Variants in KCTD8 observed in about 807,000 individuals in gnomAD.
The protein encoded by KCTD8 is potassium channel tetramerization domain containing 8, also known as BTB/POZ domain-containing protein KCTD8.
In KCTD8, 27 loss-of-function variants were observed where a neutral mutation model predicts 31.5. That is an observed-to-expected ratio of 0.86 (90% CI 0.63 to 1.18). The LOEUF (loss-of-function observed/expected upper bound fraction) is 1.18, where lower values mean the gene tolerates loss of function less well. Among genes scored for constraint, KCTD8 ranks in the 50% most tolerant of loss-of-function variants. KCTD8 has a pLI of 0.00. For missense variants in KCTD8, 658 were observed against 647.7 expected, an observed-to-expected ratio of 1.02 and a Z score of -0.17; for synonymous variants, 290 against 280.0, an observed-to-expected ratio of 1.04 and a Z score of -0.36.
intron 1 of KCTD8, among the ~76,000 whole-genome samples, chr4:44,301,457 C>G (rs975614409): frequency 6.6e-5 from 10 of 152,214 alleles, no homozygotes; most frequent in African/African-American, 2.4e-4. Flanking sequence ...TTGCATTTCT[C>G]TGATGGCCAG....
At chr4:44,215,379 T>G (rs1577834890) in intron 1 of KCTD8, among the ~76,000 whole-genome samples, 1 of 152,094 alleles carries the variant, frequency 6.6e-6, no homozygotes, top group Admixed American at 6.6e-5. Flanking sequence ...TAAATAAAAT[T>G]TATATAAAAT....
In KCTD8 at chr4:44,448,129, C is replaced by A. The variant is rs377247366; in HGVS notation, c.395G>T (p.Arg132Leu). The A allele has an allele frequency of 3.1e-6, 5 of 1,612,418 alleles. No individual in the cohort carries two copies. The highest frequency in any genetic ancestry group is 1.3e-5 in the African/African-American group (1 of 74,894). ...GGTGAGCTGGAAATACTCGGCCTCG[C>A]GCAGCAGCCGCTCCTTCTCGGGGAA... ...EHFPEKERLL[R>L]EAEYFQLTDL... The change falls in exon 1 of 2, where the codon CGC becomes CTC. Residue 132 changes from arginine to leucine, a missense_variant. By Grantham distance (102) the Arg-to-Leu change is moderately radical. Coordinates refer to ENST00000360029, the MANE Select transcript of KCTD8 (RefSeq NM_198353.3). The surrounding 1 kb of genome is among the most constrained non-coding windows in gnomAD (Gnocchi z 4.1).
At chr4:44,218,423 T>C (rs1714713213) in intron 1 of KCTD8, among the ~76,000 whole-genome samples, 1 of 151,796 alleles carries the variant, frequency 6.6e-6, no homozygotes, top group Admixed American at 6.6e-5. Flanking sequence ...CATGAGCCAC[T>C]GTGCCCAGTC....
chr4:44,176,369 A>T lies in KCTD8; in HGVS notation c.962-1119T>A, dbSNP rs547365062. On this transcript the variant is annotated intron_variant, in intron 1 of 1. Transcript: ENST00000360029. ...AGCTTCAGATTATTGATACCTTGGA[A>T]CCAACCCCAGACCTCCTGATTTAAT... Among the ~76,000 whole-genome samples the T allele has an allele frequency of 2.6e-5, 4 of 152,308 alleles. No homozygotes were observed. In the South Asian group the frequency reaches 8.3e-4, roughly 32 times the overall value.
intron 1 of KCTD8, among the ~76,000 whole-genome samples, chr4:44,268,571 G>A (rs924651107): frequency 6.6e-6 from 1 of 151,934 alleles, no homozygotes; most frequent in African/African-American, 2.4e-5. Context: ...AGGAAATAAA[G>A]GGTATTCAAT....
chr4:44,286,136 T>C (rs529709929), intron 1 of KCTD8, among the ~76,000 whole-genome samples: 2 of 152,250 alleles, frequency 1.3e-5, no homozygotes, highest in African/African-American at 4.8e-5. Flanking sequence ...TCTTGGGCAC[T>C]TCTCATTTTT....
chr4:44,201,853 C>T (rs941103660), intron 1 of KCTD8, among the ~76,000 whole-genome samples: 7 of 152,054 alleles, frequency 4.6e-5, no homozygotes, highest in Non-Finnish European at 2.9e-5. Flanking sequence ...CTAGAGTAAA[C>T]AGTCTATGGA....
intron 1 of KCTD8, among the ~76,000 whole-genome samples, chr4:44,365,971 G>GA (rs146166790): frequency 0.12 from 18,583 of 151,670 alleles, 1,341 homozygotes; most frequent in East Asian, 0.25. Flanking sequence ...TTTGACAAAA[G>GA]AAAAAAAACC....
intron 1 of KCTD8, among the ~76,000 whole-genome samples, chr4:44,312,760 G>C (rs1416804337): frequency 2.0e-5 from 3 of 152,014 alleles, no homozygotes; most frequent in African/African-American, 7.2e-5. Context: ...TTTTATACAG[G>C]CTTTAATCTT....
chr4:44,229,705 T>TC (rs1348095520), intron 1 of KCTD8, among the ~76,000 whole-genome samples: 1 of 152,086 alleles, frequency 6.6e-6, no homozygotes, highest in Non-Finnish European at 1.5e-5. Flanking sequence ...CCTTTTTTTT[T>TC]CTTCTTCAGG....
In KCTD8 at chr4:44,436,969, C is replaced by T. The variant is rs906569122; in HGVS notation, c.961+10594G>A. ...TTCACAGAGGCCATAAAATAAAGAG[C>T]CTTCAACCCTAAATATTACATTACT... On this transcript the variant is annotated intron_variant, in intron 1 of 1. Coordinates refer to ENST00000360029, the MANE Select transcript of KCTD8 (RefSeq NM_198353.3). Among the ~76,000 whole-genome samples the T allele has an allele frequency of 2.6e-5, 4 of 151,920 alleles. No individual in the cohort carries two copies. In the South Asian group the frequency reaches 8.3e-4, roughly 31 times the overall value.
At chr4:44,386,814 C>T (rs1219491780) in intron 1 of KCTD8, among the ~76,000 whole-genome samples, 1 of 151,652 alleles carries the variant, frequency 6.6e-6, no homozygotes, top group Non-Finnish European at 1.5e-5. Context: ...TAATGCAGCA[C>T]TATTCATAAT....
chr4:44,263,309 C>G (rs1225568626), intron 1 of KCTD8, among the ~76,000 whole-genome samples: 1 of 152,024 alleles, frequency 6.6e-6, no homozygotes, highest in Admixed American at 6.6e-5. Context: ...TTACACAAAC[C>G]ATGATCATAT....
chr4:44,361,371 C>T (rs914801735), intron 1 of KCTD8, among the ~76,000 whole-genome samples: 52 of 151,902 alleles, frequency 3.4e-4, no homozygotes, highest in Non-Finnish European at 4.7e-4. Flanking sequence ...AACATGTTCT[C>T]TACAAAAGAC....
At chr4:44,325,033 G>A (rs1225359369) in intron 1 of KCTD8, among the ~76,000 whole-genome samples, 1 of 151,908 alleles carries the variant, frequency 6.6e-6, no homozygotes, top group Non-Finnish European at 1.5e-5. Context: ...AGAACAAATA[G>A]GGTGGAAAGA....
chr4:44,425,143 C>A (rs962847400), intron 1 of KCTD8, among the ~76,000 whole-genome samples: 1 of 151,974 alleles, frequency 6.6e-6, no homozygotes, highest in African/African-American at 2.4e-5. Context: ...AAAATTGTGA[C>A]AAATTTTTGT....
At chr4:44,182,007 C>A (rs1443272412) in intron 1 of KCTD8, among the ~76,000 whole-genome samples, 2 of 151,614 alleles carry the variant, frequency 1.3e-5, no homozygotes, top group Admixed American at 6.6e-5. Flanking sequence ...TGAGGAGCCC[C>A]TCCGCCTGGC....
At chr4:44,201,682 C>A (rs1340778111) in intron 1 of KCTD8, among the ~76,000 whole-genome samples, 1 of 152,002 alleles carries the variant, frequency 6.6e-6, no homozygotes, top group Non-Finnish European at 1.5e-5. Flanking sequence ...TGTAAGACCC[C>A]AGACTATTAA....
intron 1 of KCTD8, among the ~76,000 whole-genome samples, chr4:44,325,228 T>G (rs190185988): frequency 1.3e-5 from 2 of 152,030 alleles, no homozygotes; most frequent in East Asian, 3.9e-4. Context: ...GAGGTGTGTA[T>G]GTAAGATCCT....
Sources: allele counts gnomAD v4.1 joint callset (sites outside exome capture counted in the v4.1 genomes callset), GRCh38; gene constraint gnomAD v4.1.1; non-coding constraint Gnocchi (gnomAD v3.1); transcripts MANE v1.5; gene names NCBI Gene and HGNC (gene_info 2026-07-23, HGNC 2026-07-21).